SMOC1: variants seen among roughly 807,000 people sequenced by gnomAD.
SMOC1 encodes SPARC-related modular calcium-binding protein 1.
A neutral mutation model predicts 56.3 loss-of-function variants in SMOC1; 22 were observed. The ratio of observed to expected loss-of-function variants is 0.39; its 90% CI spans 0.28 to 0.56. The LOEUF (loss-of-function observed/expected upper bound fraction) is 0.56. SMOC1 is among the 20% of genes least tolerant of loss of function. The pLI is 0.61. For missense variants in SMOC1, 509 were observed against 565.4 expected (o/e 0.90, Z 1.01); for synonymous variants, 193 against 215.0 (o/e 0.90, Z 0.89).
intron 5 of SMOC1, among the ~76,000 whole-genome samples, chr14:69,985,818 C>A (rs1171618228): frequency 1.3e-5 from 2 of 152,228 alleles, no homozygotes; most frequent in Admixed American, 6.5e-5. Context: ...GAGAGATAGA[C>A]AATATTCATA....
At chr14:69,951,994 C>A in intron 1 of SMOC1, 144 bp from the exon 2 acceptor site, 1 of 878,164 alleles carries the variant, frequency 1.1e-6, no homozygotes, top group Middle Eastern at 2.2e-4. Context: ...TTTGTGGCTG[C>A]TCCGTTCCCT....
rs907688091 is a variant in SMOC1, at chr14:70,030,691, G to A, written c.*433G>A. On this transcript the variant is annotated 3_prime_UTR_variant, in exon 12 of 12. Transcript: ENST00000361956. ...CTCCCTCTGCCTGCTGTGGGTGGTG[G>A]GCACTCTGGACACATAGTCCAGCTT... 2.4e-5 allele frequency: 4 copies of A among 168,278 alleles called. No homozygotes were observed. The highest frequency in any genetic ancestry group is 1.2e-4 in the Admixed American group (2 of 17,142). 10.4% of individuals were successfully genotyped at this position (168,278 alleles called of 1,614,324 possible).
chr14:70,009,891 G>GAA (rs891472413), intron 7 of SMOC1, among the ~76,000 whole-genome samples: 1 of 151,096 alleles, frequency 6.6e-6, no homozygotes, highest in Non-Finnish European at 1.5e-5. Context: ...AACAAAACCA[G>GAA]AAAAAAAAAG....
chr14:69,941,325 C>T (rs1882553569), intron 1 of SMOC1, among the ~76,000 whole-genome samples: 1 of 152,222 alleles, frequency 6.6e-6, no homozygotes, highest in African/African-American at 2.4e-5. Context: ...GTAACCACCT[C>T]TCAGGAGGAG....
intron 1 of SMOC1, among the ~76,000 whole-genome samples, chr14:69,891,625 GCCTTCTC>G (rs1220499372): frequency 3.9e-5 from 6 of 151,944 alleles, no homozygotes; most frequent in Admixed American, 3.3e-4. Context: ...GGCTGCTGCT[GCCTTCTC>G]CCGGCCTGTG....
At chr14:69,953,564 T>C in intron 3 of SMOC1, 32 bp downstream of exon 3, 5 of 1,587,324 alleles carry the variant, frequency 3.1e-6, no homozygotes, top group South Asian at 1.1e-5. Context: ...TTGGGCTCTT[T>C]CCTGGACCGA....
chr14:69,957,701 A>G (rs76159724), intron 3 of SMOC1, among the ~76,000 whole-genome samples: 1 of 152,366 alleles, frequency 6.6e-6, no homozygotes, highest in African/African-American at 2.4e-5. Context: ...AGTATAATGA[A>G]CATATACCCA....
intron 7 of SMOC1, among the ~76,000 whole-genome samples, chr14:70,006,103 G>T: frequency 6.6e-6 from 1 of 152,166 alleles, no homozygotes; most frequent in East Asian, 1.9e-4. Flanking sequence ...ACCCATTTGG[G>T]ATTTAGGTAA....
At chr14:69,885,632 A>C in intron 1 of SMOC1, 1 of 1,474,654 alleles carries the variant, frequency 6.8e-7, no homozygotes, top group Non-Finnish European at 9.4e-7. Context: ...TAGGGCAGGC[A>C]AGAAGACAAC....
intron 1 of SMOC1, among the ~76,000 whole-genome samples, chr14:69,924,106 C>T (rs1884926362): frequency 6.6e-6 from 1 of 152,220 alleles, no homozygotes; most frequent in Admixed American, 6.5e-5. Flanking sequence ...GTTGCTCTTC[C>T]CTCACAAACT....
At chr14:69,960,102 A>G (rs8011726) in intron 3 of SMOC1, among the ~76,000 whole-genome samples, 52,407 of 151,994 alleles carry the variant, frequency 0.34, 9,413 homozygotes, top group African/African-American at 0.42. Context: ...GATGCTTGAC[A>G]TGAACTGTGA....
chr14:69,957,378 A>G (rs896177103), intron 3 of SMOC1, among the ~76,000 whole-genome samples: 2 of 152,264 alleles, frequency 1.3e-5, no homozygotes, highest in African/African-American at 4.8e-5. Flanking sequence ...ATGTATAAAG[A>G]AAAATTGAGT....
At chr14:69,951,040 GCTTCTTCACTCAGCATGTCT>G (rs1228520414) in intron 1 of SMOC1, among the ~76,000 whole-genome samples, 2 of 152,166 alleles carry the variant, frequency 1.3e-5, no homozygotes, top group Admixed American at 6.5e-5. Flanking sequence ...TCACCTGAAG[GCTTCTTCACTCAGCATGTCT>G]CTGTGCCTGG....
chr14:69,885,710 G>A (rs935731152), intron 1 of SMOC1: 17 of 1,451,416 alleles, frequency 1.2e-5, no homozygotes, highest in Admixed American at 1.7e-5. Flanking sequence ...CACCAAGGTG[G>A]TGACAGTGTT....
At chr14:70,014,769 T>C (rs1400293548) in intron 10 of SMOC1, among the ~76,000 whole-genome samples, 3 of 152,120 alleles carry the variant, frequency 2.0e-5, no homozygotes, top group Non-Finnish European at 4.4e-5. Context: ...TATGGCTCAC[T>C]GAGGAGGGAG....
chr14:69,911,615 T>C (rs1440167577), intron 1 of SMOC1, among the ~76,000 whole-genome samples: 3 of 152,228 alleles, frequency 2.0e-5, no homozygotes, highest in African/African-American at 7.2e-5. Flanking sequence ...TTATGTAGTA[T>C]TTTGAGTCTG....
intron 7 of SMOC1, among the ~76,000 whole-genome samples, chr14:69,999,365 G>A (rs996900116): frequency 1.3e-5 from 2 of 152,104 alleles, no homozygotes; most frequent in African/African-American, 4.8e-5. Flanking sequence ...AGAAACCACC[G>A]GCTGATGTAA....
intron 1 of SMOC1, among the ~76,000 whole-genome samples, chr14:69,917,418 G>T (rs947667641): frequency 5.3e-5 from 8 of 152,180 alleles, no homozygotes; most frequent in African/African-American, 1.4e-4. Flanking sequence ...AGAATTTCAC[G>T]TGGACAGACA....
At chr14:69,880,434 C>T (rs1883606143) in intron 1 of SMOC1, among the ~76,000 whole-genome samples, 1 of 152,098 alleles carries the variant, frequency 6.6e-6, no homozygotes, top group East Asian at 1.9e-4. Flanking sequence ...TTGAATTACT[C>T]GTTGAACCTT....
Sources: gnomAD v4.1 joint callset for allele counts (sites outside exome capture counted in the v4.1 genomes callset) on GRCh38, gnomAD v4.1.1 for gene constraint, MANE v1.5 for transcripts, NCBI Gene and HGNC (gene_info 2026-07-23, HGNC 2026-07-21) for gene names.